Variants in DIP2C observed in about 807,000 individuals in gnomAD.
DIP2C encodes the protein DIP2 acetate--CoA ligase C (putative), also known as disco-interacting protein 2 homolog C.
A neutral mutation model predicts 192.4 loss-of-function variants in DIP2C; 33 were observed. The observed-to-expected ratio is 0.17, with a 90% confidence interval of 0.13 to 0.23. The LOEUF is 0.23. DIP2C is among the 10% of genes least tolerant of loss of function. The pLI is 1.00. For synonymous variants in DIP2C, 979 were observed against 864.1 expected, an observed-to-expected ratio of 1.13 and a Z score of -2.33; for missense variants, 1,537 against 2,110.1, an observed-to-expected ratio of 0.73 and a Z score of 5.32.
intron 1 of DIP2C, among the ~76,000 whole-genome samples, chr10:613,404 G>C (rs1853231740): frequency 6.6e-6 from 1 of 152,214 alleles, no homozygotes; most frequent in Admixed American, 6.5e-5. Context: ...GAACGTGCCT[G>C]CCAGGCCCGG....
chr10:627,813 G>C (rs943238527), intron 1 of DIP2C, among the ~76,000 whole-genome samples: 3 of 152,206 alleles, frequency 2.0e-5, no homozygotes, highest in Admixed American at 6.5e-5. Flanking sequence ...AGGACTTCAC[G>C]AGAGGCACCA....
At chr10:617,660 C>CCA (rs1564275459) in intron 1 of DIP2C, among the ~76,000 whole-genome samples, 2 of 150,632 alleles carry the variant, frequency 1.3e-5, no homozygotes, top group Non-Finnish European at 3.0e-5. Flanking sequence ...ATACCACCCC[C>CCA]CCACCCCCAC....
Position 312,104 on chromosome 10 carries a change from C to T in DIP2C, c.3925-2012G>A, listed in dbSNP as rs1021525534. Among the ~76,000 whole-genome samples the T allele has an allele frequency of 2.0e-5, 3 of 152,216 alleles. No individual in the cohort carries two copies. The East Asian group carries it at 5.8e-4, about 29-fold the overall frequency. The stretch of plus-strand genomic sequence containing the variant: ...ACATGCATCTGAAGCCTGAAAGAAT[C>T]CAGCGCTGGGCTCTCACACGGTCTG... On this transcript the variant is annotated intron_variant, in intron 31 of 36. Transcript: ENST00000280886.
At chr10:584,430 C>T (rs1850870332) in intron 1 of DIP2C, among the ~76,000 whole-genome samples, 1 of 151,282 alleles carries the variant, frequency 6.6e-6, no homozygotes, top group Non-Finnish European at 1.5e-5. Context: ...GGCCCACAAC[C>T]TGACCCCCAC....
At chr10:359,699 T>A (rs1959218263) in intron 22 of DIP2C, among the ~76,000 whole-genome samples, 1 of 152,160 alleles carries the variant, frequency 6.6e-6, no homozygotes, top group African/African-American at 2.4e-5. Flanking sequence ...CCCTGCACGA[T>A]CTCAGAACAC....
At chr10:492,144 G>A (rs750852040) in intron 1 of DIP2C, among the ~76,000 whole-genome samples, 10 of 152,278 alleles carry the variant, frequency 6.6e-5, no homozygotes, top group Non-Finnish European at 1.0e-4. Flanking sequence ...CCCCCGTGTC[G>A]GAGACACTCC....
At chr10:595,232 G>GA (rs1323631011) in intron 1 of DIP2C, among the ~76,000 whole-genome samples, 1 of 152,164 alleles carries the variant, frequency 6.6e-6, no homozygotes, top group Non-Finnish European at 1.5e-5. Context: ...CCTCACGCAG[G>GA]TTTACTCACC....
At position 390,882 on chromosome 10, in the gene DIP2C, G is replaced by A. The variant is rs1299408662; in HGVS notation, c.1261-19C>T. ...CTGCGTCCTGAGAGGGCAACAGAGA[G>A]GAGTTGAGAATCCACGACCTGCCCC... On this transcript the variant is annotated intron_variant, in intron 10 of 36. Coordinates refer to ENST00000280886, the MANE Select transcript of DIP2C (RefSeq NM_014974.3). 2.5e-6 allele frequency: 4 copies of A among 1,613,134 alleles called. No individual in the cohort carries two copies. The highest frequency in any genetic ancestry group is 2.2e-5 in the East Asian group (1 of 44,862).
chr10:559,010 A>T (rs1849053887), intron 1 of DIP2C, among the ~76,000 whole-genome samples: 1 of 145,836 alleles, frequency 6.9e-6, no homozygotes, highest in Non-Finnish European at 1.5e-5. Context: ...GGGGCCAAGG[A>T]GTGGTTTCCA....
At chr10:337,469 A>AGGC (rs1957889140) in intron 29 of DIP2C, among the ~76,000 whole-genome samples, 1 of 129,422 alleles carries the variant, frequency 7.7e-6, no homozygotes, top group Non-Finnish European at 1.6e-5. Flanking sequence ...GTGGAGGCCT[A>AGGC]AGCTGATGTG....
At chr10:361,759 C>A (rs960148878) in intron 22 of DIP2C, among the ~76,000 whole-genome samples, 2 of 152,160 alleles carry the variant, frequency 1.3e-5, no homozygotes, top group Admixed American at 6.5e-5. Flanking sequence ...TGTTTACGTC[C>A]CGAGGCGGCA....
intron 1 of DIP2C, among the ~76,000 whole-genome samples, chr10:619,350 A>C (rs537496801): frequency 3.0e-4 from 45 of 152,354 alleles, no homozygotes; most frequent in African/African-American, 1.1e-3. Context: ...TCGAGATGTC[A>C]GCAGGGCTGG....
intron 28 of DIP2C, among the ~76,000 whole-genome samples, chr10:343,160 A>G (rs903821586): frequency 1.3e-5 from 2 of 152,198 alleles, no homozygotes; most frequent in Non-Finnish European, 2.9e-5. Flanking sequence ...GTGGTGGCGC[A>G]TGCCTGTAGT....
chr10:316,401 T>G (rs996895203), intron 31 of DIP2C, among the ~76,000 whole-genome samples: 1 of 152,198 alleles, frequency 6.6e-6, no homozygotes, highest in Non-Finnish European at 1.5e-5. Flanking sequence ...TTCCAAACAG[T>G]AGGAGACCTT....
chr10:343,066 G>A (rs1958237647), intron 28 of DIP2C, among the ~76,000 whole-genome samples: 1 of 152,170 alleles, frequency 6.6e-6, no homozygotes, highest in Non-Finnish European at 1.5e-5. Context: ...GAGGCGGGCA[G>A]ATCACAAGGT....
chr10:525,075 T>A (rs570555535), intron 1 of DIP2C, among the ~76,000 whole-genome samples: 1 of 152,194 alleles, frequency 6.6e-6, no homozygotes, highest in South Asian at 2.1e-4. Flanking sequence ...GTATTTGTAG[T>A]TTGGATGGAA....
At chr10:494,618 A>C (rs1588294210) in intron 1 of DIP2C, among the ~76,000 whole-genome samples, 1 of 152,326 alleles carries the variant, frequency 6.6e-6, no homozygotes, top group African/African-American at 2.4e-5. Flanking sequence ...TGTAATGAGG[A>C]GGCTGCTCAA....
chr10:621,159 G>A (rs1055750301), intron 1 of DIP2C, among the ~76,000 whole-genome samples: 2 of 152,158 alleles, frequency 1.3e-5, no homozygotes, highest in Non-Finnish European at 2.9e-5. Context: ...AGGGCCGCCC[G>A]ACGCAACGGG....
At chr10:371,381 C>T (rs574763129) in intron 17 of DIP2C, among the ~76,000 whole-genome samples, 3 of 152,276 alleles carry the variant, frequency 2.0e-5, no homozygotes, top group South Asian at 2.1e-4. Flanking sequence ...ACTTGATAAA[C>T]CCATTGTAAA....
Sources: gnomAD v4.1 joint callset for allele counts (sites outside exome capture counted in the v4.1 genomes callset) on GRCh38, gnomAD v4.1.1 for gene constraint, MANE v1.5 for transcripts, NCBI Gene and HGNC (gene_info 2026-07-23, HGNC 2026-07-21) for gene names.